Variants in ARRB2 observed in about 807,000 individuals in gnomAD.
ARRB2 encodes beta-arrestin-2.
ARRB2 carries 21 observed loss-of-function variants against 53.4 expected under a neutral mutation model. The observed-to-expected ratio is 0.39, with a 90% CI of 0.28 to 0.57. The LOEUF is 0.57. Among genes scored for constraint, ARRB2 ranks in the 20% least tolerant of loss-of-function variants. The pLI is 0.55. For synonymous variants in ARRB2, 180 were observed against 212.9 expected (o/e 0.85, Z 1.34); for missense variants, 369 against 527.5 (o/e 0.70, Z 2.94).
chr17:4,720,744 T>G, intron 14 of ARRB2, 104 bp downstream of exon 14: 4 of 1,171,714 alleles, frequency 3.4e-6, no homozygotes, highest in Non-Finnish European at 4.8e-6. Context: ...GAGAAGCGGA[T>G]TGTAGCATCA....
intron 10 of ARRB2, among the ~76,000 whole-genome samples, 187 bp from the exon 11 acceptor site, chr17:4,719,096 T>C (rs1347988552): frequency 5.9e-5 from 9 of 152,320 alleles, no homozygotes; most frequent in East Asian, 5.8e-4. Context: ...TAAAAGGGTA[T>C]TCCCTCCACA....
At chr17:4,710,891 T>G in intron 1 of ARRB2, 147 bp downstream of exon 1, 6 of 320,158 alleles carry the variant, frequency 1.9e-5, no homozygotes, top group East Asian at 4.8e-5. Context: ...CACGCGCAGG[T>G]CCTCGAGGAT....
intron 1 of ARRB2, among the ~76,000 whole-genome samples, chr17:4,712,028 G>T (rs1177348382): frequency 6.6e-6 from 1 of 152,136 alleles, no homozygotes; most frequent in East Asian, 1.9e-4. Context: ...GGATCCAAAG[G>T]GCAAGTGCCT....
intron 1 of ARRB2, among the ~76,000 whole-genome samples, chr17:4,712,177 G>T (rs1443748090): frequency 2.0e-5 from 3 of 152,234 alleles, no homozygotes; most frequent in African/African-American, 7.2e-5. Flanking sequence ...AGGGGAGGGA[G>T]AGCCTGGATG....
rs1326616072 is a variant in ARRB2, at chr17:4,718,682, AGAGT to A, written c.779+3_779+6del. On this transcript the variant is annotated splice_donor_variant and coding_sequence_variant, in exon 10 of 15. Transcript: ENST00000269260. LOFTEE classifies it high-confidence loss of function. ...AGTGTCCTGTGGCTCAACTCGAACA[AGAGT>A]GAGTATCGGGAGAGACCCATGTTCC... 6.2e-7 allele frequency: 1 copy of A among 1,613,566 alleles called. No homozygotes were observed. Among genetic ancestry groups the A allele is most frequent in the Non-Finnish European group, 8.5e-7 (1 of 1,179,802 alleles).
chr17:4,721,275 G>A lies in ARRB2; in HGVS notation c.*236G>A, dbSNP rs553682592. On this transcript the variant is annotated 3_prime_UTR_variant, in exon 15 of 15. Transcript: ENST00000269260. The surrounding 1 kb of genome is among the most constrained non-coding windows in gnomAD (Gnocchi z 4.2). ...GCAGCTCTGCTTCTCCAGCCCCGCC[G>A]TGGGTGGCAAGCTGTGTTCATACCT... The A allele has an allele frequency of 2.3e-5, 12 of 515,884 alleles. No homozygotes were observed. Among genetic ancestry groups the A allele is most frequent in the African/African-American group, 1.2e-4 (6 of 51,022 alleles). 32.0% of individuals were successfully genotyped at this position (515,884 alleles called of 1,614,324 possible).
At position 4,719,188 on chromosome 17, in the gene ARRB2, G is replaced by A. The variant is rs1205757313; in HGVS notation, c.780-95G>A. ...GTGACCTGTGCCCAAAGAAACAAGG[G>A]ACTAGTGAGGGGGAGATGCTGCTTG... is the stretch of plus-strand genomic sequence containing the variant. On this transcript the variant is annotated intron_variant, in intron 10 of 14. Transcript: ENST00000269260. 2.1e-6 allele frequency: 3 copies of A among 1,449,050 alleles called. No individual in the cohort carries two copies. The African/African-American group carries it at 4.2e-5, about 20-fold the overall frequency. The allele number at this position is 1,449,050 out of a possible 1,614,324, so 89.8% of individuals were successfully genotyped here. A position where few individuals can be genotyped will look rare whatever the true frequency, so the allele number is the denominator to read the frequency against.
Position 4,716,517 on chromosome 17 carries a change from C to T in ARRB2, c.266C>T (p.Pro89Leu). 2 of 1,613,436 alleles carry T rather than the reference C, an allele frequency of 1.2e-6. No individual in the cohort carries two copies. The highest frequency in any genetic ancestry group is 1.7e-6 in the Non-Finnish European group (2 of 1,179,946). The change falls in exon 5 of 15, where the codon CCC (proline) becomes CTC (leucine). Residue 89 changes from proline (P) to leucine (L), a missense_variant. Transcript: ENST00000269260. ...DLFIATYQAF[P>L]PVPNPPRPPT... ...TTCATCGCCACCTACCAGGCCTTCC[C>T]CCCGGTGCCCAACCCACCCCGGCCC... is the stretch of plus-strand genomic sequence containing the variant.
rs1206128199 is a variant in ARRB2, at chr17:4,721,161, TCAAC to T, written c.*126_*129del. 19 of 982,188 alleles carry T rather than the reference TCAAC, an allele frequency of 1.9e-5. No individual in the cohort carries two copies. Among genetic ancestry groups the T allele is most frequent in the Non-Finnish European group, 2.9e-5 (19 of 648,612 alleles). 60.8% of individuals were successfully genotyped at this position (982,188 alleles called of 1,614,324 possible). A position where few individuals can be genotyped will look rare whatever the true frequency, so the allele number is the denominator to read the frequency against. On this transcript the variant is annotated 3_prime_UTR_variant, in exon 15 of 15. Transcript: ENST00000269260. The surrounding 1 kb of genome is among the most constrained non-coding windows in gnomAD (Gnocchi z 4.2). ...CCCTTCCCCTCACCTGGAAGCTTCT[TCAAC>T]CAATCCCTTCACACTCTCTCCCCCA...
At chr17:4,719,962 C>T (rs1915522730) in intron 11 of ARRB2, among the ~76,000 whole-genome samples, 1 of 152,168 alleles carries the variant, frequency 6.6e-6, no homozygotes, top group Non-Finnish European at 1.5e-5. Flanking sequence ...GAGGTGAGGT[C>T]AGGGGCTAAT....
At position 4,720,595 on chromosome 17, in the gene ARRB2, A is replaced by G; in HGVS notation, c.1091A>G (p.Glu364Gly). Reference sequence around the variant, plus strand: ...CTTCCCGTCCCCCCAGCCGCTCCGGAGACAGATGTCCCTGTGGACACCAAC... The same window carrying G: ...CTTCCCGTCCCCCCAGCCGCTCCGGGGACAGATGTCCCTGTGGACACCAAC... Reference protein sequence around the residue: ...PLPRPQSAAPETDVPVDTNLI... With the variant: ...PLPRPQSAAPGTDVPVDTNLI... Residue 364 changes from glutamate (E) to glycine (G), a missense_variant, in exon 14 of 15, where the codon GAG becomes GGG. Coordinates refer to ENST00000269260, the MANE Select transcript of ARRB2 (RefSeq NM_004313.4). 6.6e-7 allele frequency: 1 copy of G among 1,506,802 alleles called. No individual in the cohort carries two copies. 93.3% of individuals were successfully genotyped at this position (1,506,802 alleles called of 1,614,324 possible).
rs1915184147 is a variant in ARRB2, at chr17:4,717,399, GT to G, written c.417+124del. ...AGGGTGGGGCCGAGGGTAGGCCAGT[GT>G]CCCCCGTGGAAGTGGGGCGTATGTG... On this transcript the variant is annotated intron_variant, in intron 6 of 14. Coordinates refer to ENST00000269260, the MANE Select transcript of ARRB2 (RefSeq NM_004313.4). The surrounding 1 kb of genome is among the most constrained non-coding windows in gnomAD (Gnocchi z 6.0). 2 of 1,264,078 alleles carry G rather than the reference GT, an allele frequency of 1.6e-6. No homozygotes were observed. The highest frequency in any genetic ancestry group is 1.2e-6 in the Non-Finnish European group (1 of 869,156). 78.3% of individuals were successfully genotyped at this position (1,264,078 alleles called of 1,614,324 possible).
intron 14 of ARRB2, 73 bp downstream of exon 14, chr17:4,720,713 C>A: frequency 7.5e-7 from 1 of 1,335,050 alleles, no homozygotes. Context: ...GCCCTCATAC[C>A]TCTTCCTTGC....
intron 1 of ARRB2, 109 bp downstream of exon 1, chr17:4,710,853 G>T (rs1402714354): frequency 1.3e-5 from 5 of 396,924 alleles, no homozygotes; most frequent in Non-Finnish European, 2.2e-5. Context: ...CGGACGCCTG[G>T]GTCCCTAGGG....
chr17:4,715,470 A>AACACACACAC (rs1164609996), intron 2 of ARRB2: 3 of 203,658 alleles, frequency 1.5e-5, no homozygotes, highest in Non-Finnish European at 2.8e-5. Context: ...CGAGGATCCA[A>AACACACACAC]ACACACACAC....
At chr17:4,712,734 A>G (rs184968140) in intron 1 of ARRB2, among the ~76,000 whole-genome samples, 2 of 152,354 alleles carry the variant, frequency 1.3e-5, no homozygotes, top group East Asian at 1.9e-4. Flanking sequence ...CCAGGCTTAA[A>G]TTGTTTCAGC....
intron 11 of ARRB2, 42 bp downstream of exon 11, chr17:4,719,462 C>T (rs1477727418): frequency 6.2e-7 from 1 of 1,605,758 alleles, no homozygotes; most frequent in Non-Finnish European, 8.5e-7. Flanking sequence ...GGCCAGGGGC[C>T]AGACGTCGGT....
At position 4,710,641 on chromosome 17, in the gene ARRB2, C is replaced by A; in HGVS notation, c.-81C>A. On this transcript the variant is annotated 5_prime_UTR_variant, in exon 1 of 15. Coordinates refer to ENST00000269260, the MANE Select transcript of ARRB2 (RefSeq NM_004313.4). ...CGGAGGGCGCGCGTGCGCATTGGCG[C>A]GGGGAGGAGCAGGGATCTTGGCAGC... 2.5e-6 allele frequency: 1 copy of A among 397,446 alleles called. No individual in the cohort carries two copies. The highest frequency in any genetic ancestry group is 4.4e-6 in the Non-Finnish European group (1 of 225,368). The allele number at this position is 397,446 out of a possible 1,614,324, so 24.6% of individuals were successfully genotyped here. A position where few individuals can be genotyped will look rare whatever the true frequency, so the allele number is the denominator to read the frequency against.
Position 4,716,448 on chromosome 17 carries a change from G to A in ARRB2, c.197G>A (p.Arg66His), listed in dbSNP as rs1170456590. The stretch of plus-strand genomic sequence containing the variant: ...CTCACCTGCGCCTTCCGCTATGGCC[G>A]TGAAGACCTGGATGTGCTGGGCTTG... ...VTLTCAFRYGREDLDVLGLSF... is the reference protein window; with the variant it reads ...VTLTCAFRYGHEDLDVLGLSF... Residue 66 changes from arginine to histidine, a missense_variant, in exon 5 of 15, where the codon CGT becomes CAT. Coordinates refer to ENST00000269260, the MANE Select transcript of ARRB2 (RefSeq NM_004313.4). The A allele has an allele frequency of 1.9e-6, 3 of 1,614,166 alleles. No individual in the cohort carries two copies. The highest frequency in any genetic ancestry group is 1.1e-5 in the South Asian group (1 of 91,078).
Sources: allele counts gnomAD v4.1 joint callset (sites outside exome capture counted in the v4.1 genomes callset), GRCh38; gene constraint gnomAD v4.1.1; non-coding constraint Gnocchi (gnomAD v3.1); transcripts MANE v1.5; gene names NCBI Gene and HGNC (gene_info 2026-07-23, HGNC 2026-07-21).